C10orf90: variants seen among roughly 807,000 people sequenced by gnomAD.
The protein encoded by C10orf90 is (E2-independent) E3 ubiquitin-conjugating enzyme FATS.
Under a neutral mutation model 62.5 loss-of-function variants are expected in C10orf90, and 56 were observed. The ratio of observed to expected loss-of-function variants is 0.90; its 90% CI spans 0.72 to 1.12. The LOEUF (loss-of-function observed/expected upper bound fraction) is 1.12, where lower values mean the gene tolerates loss of function less well. Among genes scored for constraint, C10orf90 ranks in the 50% most tolerant of loss-of-function variants. The pLI is 0.00. For synonymous variants in C10orf90, 386 were observed against 340.4 expected (o/e 1.13, Z -1.47); for missense variants, 970 against 880.4 (o/e 1.10, Z -1.29).
chr10:126,561,387 C>CTAATTT (rs1377818359), intron 2 of C10orf90, among the ~76,000 whole-genome samples: 1 of 152,124 alleles, frequency 6.6e-6, no homozygotes, highest in Non-Finnish European at 1.5e-5. Flanking sequence ...GAGAGTGATT[C>CTAATTT]CATGGAGATG....
At chr10:126,619,726 G>C (rs545507797) in intron 2 of C10orf90, among the ~76,000 whole-genome samples, 1 of 152,220 alleles carries the variant, frequency 6.6e-6, no homozygotes, top group Non-Finnish European at 1.5e-5. Context: ...TACAGCCTCA[G>C]CCTCCCAGGC....
At chr10:126,444,539 A>G (rs1230013409) in intron 7 of C10orf90, among the ~76,000 whole-genome samples, 3 of 152,190 alleles carry the variant, frequency 2.0e-5, no homozygotes, top group African/African-American at 7.2e-5. Flanking sequence ...AACAAATGGA[A>G]ATACATCCCA....
intron 4 of C10orf90, among the ~76,000 whole-genome samples, chr10:126,490,110 T>TATATTATATATAC (rs1861681926): frequency 2.3e-5 from 3 of 129,266 alleles, no homozygotes; most frequent in Non-Finnish European, 4.8e-5. Context: ...AATATATATG[T>TATATTATATATAC]ATATAATTAT....
intron 2 of C10orf90, among the ~76,000 whole-genome samples, chr10:126,529,492 T>G (rs1864037724): frequency 6.6e-6 from 1 of 152,218 alleles, no homozygotes; most frequent in South Asian, 2.1e-4. Flanking sequence ...TTATGGTTAT[T>G]TAAAACTAAT....
At position 126,464,831 on chromosome 10, in the gene C10orf90, C is replaced by G; in HGVS notation, c.1690G>C (p.Glu564Gln). The G allele has an allele frequency of 1.2e-6, 2 of 1,614,106 alleles. No individual in the cohort carries two copies. Among genetic ancestry groups the G allele is most frequent in the Non-Finnish European group, 1.7e-6 (2 of 1,180,042 alleles). ...SDDCLSRDLS[E>Q]PTERRHQSFL... ...CTTTGATGTCGTCTCTCTGTGGGCT[C>G]AGAAAGGTCTCTAGACAGACAGTCA... Residue 564 changes from glutamate to glutamine, a missense_variant, in exon 5 of 10, where the codon GAG (glutamate) becomes CAG (glutamine). Physicochemically the swap from Glu to Gln is conservative, Grantham distance 29 (BLOSUM62 2). Coordinates refer to ENST00000488181, the MANE Select transcript of C10orf90 (RefSeq NM_001350921.2).
At chr10:126,554,603 T>A (rs905974156) in intron 2 of C10orf90, among the ~76,000 whole-genome samples, 1 of 152,156 alleles carries the variant, frequency 6.6e-6, no homozygotes, top group African/African-American at 2.4e-5. Context: ...ACTCAAAAAA[T>A]TAGCACTCTA....
intron 2 of C10orf90, among the ~76,000 whole-genome samples, chr10:126,613,546 T>C (rs1845482055): frequency 6.6e-6 from 1 of 152,178 alleles, no homozygotes; most frequent in East Asian, 1.9e-4. Context: ...ATGCCCGGCC[T>C]CAGATGACTA....
intron 2 of C10orf90, among the ~76,000 whole-genome samples, chr10:126,535,320 A>T (rs1240197063): frequency 1.3e-5 from 2 of 152,006 alleles, no homozygotes; most frequent in Non-Finnish European, 2.9e-5. Flanking sequence ...GATTGAGACC[A>T]TCCTGGCTAA....
At chr10:126,457,914 A>C (rs1388670941) in intron 7 of C10orf90, among the ~76,000 whole-genome samples, 1 of 152,306 alleles carries the variant, frequency 6.6e-6, no homozygotes, top group Admixed American at 6.5e-5. Context: ...ACATTTTCCC[A>C]TGGGGAGCTC....
At chr10:126,485,633 C>T (rs963369610) in intron 4 of C10orf90, among the ~76,000 whole-genome samples, 1 of 151,940 alleles carries the variant, frequency 6.6e-6, no homozygotes, top group African/African-American at 2.4e-5. Flanking sequence ...TTCTTGTGCT[C>T]TGAAGCAAAT....
intron 2 of C10orf90, among the ~76,000 whole-genome samples, chr10:126,525,336 T>C (rs1428783544): frequency 1.3e-5 from 2 of 152,202 alleles, no homozygotes; most frequent in African/African-American, 2.4e-5. Flanking sequence ...AACAGACAGA[T>C]TCATTATGTA....
At chr10:126,467,396 C>T (rs1860352715) in intron 4 of C10orf90, among the ~76,000 whole-genome samples, 1 of 152,232 alleles carries the variant, frequency 6.6e-6, no homozygotes, top group Non-Finnish European at 1.5e-5. Flanking sequence ...GACAAGGCGG[C>T]ATGTGTGCTC....
chr10:126,512,412 C>CTGTG (rs60016526), intron 3 of C10orf90, among the ~76,000 whole-genome samples: 1 of 85,016 alleles, frequency 1.2e-5, no homozygotes, highest in African/African-American at 6.9e-5. Flanking sequence ...GTCTGTGTGT[C>CTGTG]TGTGTGTGTG....
At chr10:126,505,185 A>C (rs10901623) in intron 3 of C10orf90, 100 bp from the exon 4 acceptor site, 158,971 of 1,259,248 alleles carry the variant, frequency 0.13, 10,162 homozygotes, top group East Asian at 0.16. Flanking sequence ...CACTGGGTTC[A>C]TAACACTCAG....
At chr10:126,616,133 G>A (rs1564893798) in intron 2 of C10orf90, among the ~76,000 whole-genome samples, 1 of 151,970 alleles carries the variant, frequency 6.6e-6, no homozygotes, top group Admixed American at 6.6e-5. Flanking sequence ...TCTTGTTGGA[G>A]TAGGATCTCT....
intron 7 of C10orf90, among the ~76,000 whole-genome samples, chr10:126,449,092 A>G (rs1219429958): frequency 6.6e-6 from 1 of 152,234 alleles, no homozygotes; most frequent in Non-Finnish European, 1.5e-5. Flanking sequence ...AGAAAAAGGA[A>G]ATTACAGACC....
chr10:126,535,980 A>C (rs1024735958), intron 2 of C10orf90, among the ~76,000 whole-genome samples: 1 of 152,110 alleles, frequency 6.6e-6, no homozygotes, highest in African/African-American at 2.4e-5. Flanking sequence ...TGTGCACTGA[A>C]GTTTTTTTCC....
At chr10:126,530,516 C>T (rs1864065533) in intron 2 of C10orf90, among the ~76,000 whole-genome samples, 1 of 151,224 alleles carries the variant, frequency 6.6e-6, no homozygotes, top group African/African-American at 2.4e-5. Context: ...AATACCTTAC[C>T]AAAATGATAC....
intron 4 of C10orf90, among the ~76,000 whole-genome samples, chr10:126,465,459 T>C (rs1023955775): frequency 1.3e-4 from 19 of 151,918 alleles, no homozygotes; most frequent in African/African-American, 4.3e-4. Flanking sequence ...TATATTATTA[T>C]ATAAATCTCA....
Sources: allele counts gnomAD v4.1 joint callset (sites outside exome capture counted in the v4.1 genomes callset), GRCh38; gene constraint gnomAD v4.1.1; transcripts MANE v1.5; gene names NCBI Gene and HGNC (gene_info 2026-07-23, HGNC 2026-07-21).